TCAIM: variants seen among roughly 807,000 people sequenced by gnomAD.
TCAIM encodes T cell activation inhibitor, mitochondrial.
Under a neutral mutation model 58.6 loss-of-function variants are expected in TCAIM, and 36 were observed. That is an observed-to-expected ratio of 0.61 (90% confidence interval 0.47 to 0.81). The LOEUF is 0.81. Among genes scored for constraint, TCAIM ranks in the 30% least tolerant of loss-of-function variants. The probability of loss-of-function intolerance (pLI) is 0.00; values close to 1 mark genes in which losing one functional copy is unlikely to be tolerated. For missense variants in TCAIM, 466 were observed against 579.6 expected (o/e 0.80, Z 2.01); for synonymous variants, 172 against 193.6 (o/e 0.89, Z 0.93).
At chr3:44,394,908 AAAAAAAAAAAAAAATATATAT>A (rs1701900099) in intron 6 of TCAIM, among the ~76,000 whole-genome samples, 1 of 51,316 alleles carries the variant, frequency 1.9e-5, no homozygotes, top group Non-Finnish European at 3.7e-5. Flanking sequence ...AAAAAAAAAA[AAAAAAAAAAAAAAATATATAT>A]ATATATATAT....
In TCAIM at chr3:44,407,578, T is replaced by C. The variant is rs1245979793; in HGVS notation, c.1387T>C (p.Tyr463His). 3 of 1,614,046 alleles carry C rather than the reference T, an allele frequency of 1.9e-6. No individual in the cohort carries two copies. Among genetic ancestry groups the C allele is most frequent in the Non-Finnish European group, 2.5e-6 (3 of 1,179,980 alleles). ...GAGACTTCTAGAACAATCACTGCCT[T>C]ACCTACATGGGATGCACCTCTGCAT... Reference protein sequence around the residue: ...CKRLLEQSLPYLHGMHLCISH... With the variant: ...CKRLLEQSLPHLHGMHLCISH... The change falls in exon 11 of 11, where the codon TAC becomes CAC. Residue 463 changes from tyrosine to histidine, a missense_variant. Transcript: ENST00000342649.
intron 5 of TCAIM, among the ~76,000 whole-genome samples, chr3:44,383,759 G>C (rs1461216598): frequency 7.2e-6 from 1 of 139,738 alleles, no homozygotes; most frequent in African/African-American, 2.8e-5. Flanking sequence ...GATCACTTGA[G>C]CTTAAGAGTT....
chr3:44,378,713 A>G (rs1395069089), intron 5 of TCAIM, among the ~76,000 whole-genome samples: 1 of 151,672 alleles, frequency 6.6e-6, no homozygotes, highest in East Asian at 1.9e-4. Context: ...CAGGAGGCTG[A>G]GGCAGGAGAA....
chr3:44,361,026 C>T (rs1013083765), intron 3 of TCAIM, among the ~76,000 whole-genome samples: 1 of 152,220 alleles, frequency 6.6e-6, no homozygotes, highest in Non-Finnish European at 1.5e-5. Flanking sequence ...TGGCTAAGAA[C>T]ATCATATTAG....
chr3:44,396,467 C>T lies in TCAIM; in HGVS notation c.763C>T (p.Gln255Ter). ...QLHSLSRLAQ[Q>*]NLETLKKAKG... ...GCATAGTTTAAGCCGCTTAGCACAG[C>T]AGAATTTGGAAACACTTAAAAAAGC... Residue 255 changes from glutamine to a stop codon, truncating the protein, a stop_gained, in exon 7 of 11, where the codon CAG becomes TAG. Transcript: ENST00000342649. LOFTEE classifies it high-confidence loss of function. 1 of 1,613,180 alleles carries T rather than the reference C, an allele frequency of 6.2e-7. No individual in the cohort carries two copies. Among genetic ancestry groups the T allele is most frequent in the Non-Finnish European group, 8.5e-7 (1 of 1,179,920 alleles).
chr3:44,363,297 C>A (rs978571222), intron 4 of TCAIM, among the ~76,000 whole-genome samples: 3 of 152,100 alleles, frequency 2.0e-5, no homozygotes, highest in African/African-American at 7.2e-5. Flanking sequence ...TCTATTAATT[C>A]TTCTTTTAAA....
intron 10 of TCAIM, among the ~76,000 whole-genome samples, chr3:44,402,264 T>A (rs954224888): frequency 8.6e-5 from 13 of 150,474 alleles, no homozygotes; most frequent in Non-Finnish European, 1.6e-4. Context: ...AAAAAAAAAA[T>A]TAGCCAGGCA....
At chr3:44,339,284 A>G (rs553903271) in intron 1 of TCAIM, among the ~76,000 whole-genome samples, 2 of 152,316 alleles carry the variant, frequency 1.3e-5, no homozygotes, top group East Asian at 3.9e-4. Flanking sequence ...CAGAAACCGT[A>G]CAAGATAGTC....
intron 8 of TCAIM, among the ~76,000 whole-genome samples, chr3:44,398,268 TA>T (rs1031997219): frequency 6.6e-6 from 1 of 150,782 alleles, no homozygotes; most frequent in Admixed American, 6.6e-5. Context: ...TACTAAAAAT[TA>T]AAAAAAAATA....
intron 5 of TCAIM, among the ~76,000 whole-genome samples, chr3:44,373,704 A>G (rs1701519259): frequency 6.6e-6 from 1 of 152,114 alleles, no homozygotes; most frequent in Non-Finnish European, 1.5e-5. Context: ...GTTTTTGAAA[A>G]TTATATAAAA....
chr3:44,341,535 A>C (rs1410174906), intron 1 of TCAIM: 1 of 152,122 alleles, frequency 6.6e-6, no homozygotes, highest in East Asian at 1.9e-4. Context: ...ATTGCCTACT[A>C]CCTTGTGTTT....
chr3:44,395,756 G>T (rs372350630), intron 6 of TCAIM, among the ~76,000 whole-genome samples: 1 of 152,240 alleles, frequency 6.6e-6, no homozygotes, highest in Non-Finnish European at 1.5e-5. Flanking sequence ...AGGCCAAGGC[G>T]GGTGGATCAC....
chr3:44,347,177 A>G (rs972037931), intron 1 of TCAIM, among the ~76,000 whole-genome samples: 34 of 152,292 alleles, frequency 2.2e-4, no homozygotes, highest in Non-Finnish European at 4.1e-4. Context: ...GATAGGTAAC[A>G]GATGAGGAAG....
intron 5 of TCAIM, among the ~76,000 whole-genome samples, chr3:44,368,495 G>A (rs1701415628): frequency 6.6e-6 from 1 of 152,222 alleles, no homozygotes; most frequent in Non-Finnish European, 1.5e-5. Context: ...TGAAAAGGTA[G>A]GAAGGTAGCA....
intron 10 of TCAIM, among the ~76,000 whole-genome samples, chr3:44,401,543 GT>G (rs1702021784): frequency 6.6e-6 from 1 of 152,080 alleles, no homozygotes; most frequent in African/African-American, 2.4e-5. Flanking sequence ...TAATATAAAA[GT>G]CAATTCAGAA....
chr3:44,390,127 CAG>C (rs1236631172), intron 5 of TCAIM, among the ~76,000 whole-genome samples: 3 of 152,156 alleles, frequency 2.0e-5, no homozygotes, highest in Admixed American at 6.5e-5. Context: ...TCCTTTAAAA[CAG>C]GGACTTTATC....
At chr3:44,358,593 T>TA (rs1368959747) in intron 3 of TCAIM, 1 of 302,234 alleles carries the variant, frequency 3.3e-6, no homozygotes, top group Admixed American at 5.9e-5. Context: ...AGAAATGACT[T>TA]AAAGTATATG....
intron 3 of TCAIM, 112 bp from the exon 4 acceptor site, chr3:44,361,253 T>A (rs1701290724): frequency 3.2e-6 from 3 of 952,236 alleles, no homozygotes; most frequent in South Asian, 3.0e-5. Flanking sequence ...CCAACATTTT[T>A]AAATACTAAA....
chr3:44,347,213 G>A (rs761602503), intron 1 of TCAIM, among the ~76,000 whole-genome samples: 9 of 152,140 alleles, frequency 5.9e-5, no homozygotes, highest in Admixed American at 3.9e-4. Context: ...AGGACGACAC[G>A]AGATATCCTT....
Sources: allele counts gnomAD v4.1 joint callset (sites outside exome capture counted in the v4.1 genomes callset), GRCh38; gene constraint gnomAD v4.1.1; transcripts MANE v1.5; gene names NCBI Gene and HGNC (gene_info 2026-07-23, HGNC 2026-07-21).